UNC13C: variants seen among roughly 807,000 people sequenced by gnomAD.
UNC13C encodes the protein protein unc-13 homolog C.
A neutral mutation model predicts 245.4 loss-of-function variants in UNC13C; 174 were observed. The observed-to-expected ratio is 0.71, with a 90% CI of 0.63 to 0.80. The LOEUF is 0.80. Ranked by LOEUF, UNC13C falls within the 30% of genes least tolerant of loss-of-function variation. UNC13C has a pLI of 0.00. For synonymous variants in UNC13C, 992 were observed against 895.1 expected (o/e 1.11, Z -1.93); for missense variants, 2,829 against 2,602.9 (o/e 1.09, Z -1.89).
intron 17 of UNC13C, among the ~76,000 whole-genome samples, chr15:54,340,592 C>T (rs1281288040): frequency 6.6e-6 from 1 of 152,142 alleles, no homozygotes; most frequent in Non-Finnish European, 1.5e-5. Context: ...GATCAGTTGG[C>T]TGTAAGTATG....
intron 14 of UNC13C, among the ~76,000 whole-genome samples, chr15:54,329,086 T>G (rs34305854): frequency 0.17 from 24,256 of 146,178 alleles, 1,938 homozygotes; most frequent in Middle Eastern, 0.27. Context: ...ACCAAGTTTT[T>G]TTTTTTTTTT....
chr15:54,437,689 G>A (rs1013319572), intron 19 of UNC13C, among the ~76,000 whole-genome samples: 7 of 151,856 alleles, frequency 4.6e-5, no homozygotes, highest in Non-Finnish European at 8.8e-5. Flanking sequence ...TTGCAAACAG[G>A]AACACTGTTG....
intron 18 of UNC13C, among the ~76,000 whole-genome samples, chr15:54,413,260 GTTCT>G (rs1210209330): frequency 6.6e-6 from 1 of 151,604 alleles, no homozygotes; most frequent in Non-Finnish European, 1.5e-5. Context: ...TAGTTCTTTA[GTTCT>G]TTGTTTCTTG....
chr15:54,452,066 C>T (rs1891211183), intron 19 of UNC13C, among the ~76,000 whole-genome samples: 1 of 152,186 alleles, frequency 6.6e-6, no homozygotes, highest in Non-Finnish European at 1.5e-5. Context: ...TCCTCAGTGA[C>T]TTAGGGTGTG....
chr15:54,252,709 C>A, intron 8 of UNC13C, among the ~76,000 whole-genome samples: 1 of 152,016 alleles, frequency 6.6e-6, no homozygotes, highest in Non-Finnish European at 1.5e-5. Context: ...AATGCCAACA[C>A]TGAAGAAAAG....
chr15:54,304,363 G>C (rs2037667692), intron 13 of UNC13C, among the ~76,000 whole-genome samples: 1 of 151,894 alleles, frequency 6.6e-6, no homozygotes, highest in Non-Finnish European at 1.5e-5. Flanking sequence ...ACAATAATGT[G>C]GTAGATTATG....
At chr15:54,515,670 T>C (rs1894940208) in intron 24 of UNC13C, among the ~76,000 whole-genome samples, 1 of 152,200 alleles carries the variant, frequency 6.6e-6, no homozygotes, top group African/African-American at 2.4e-5. Context: ...TGCAATCGTT[T>C]TAAATGGTAG....
intron 22 of UNC13C, among the ~76,000 whole-genome samples, chr15:54,503,205 G>A (rs1894306685): frequency 6.6e-6 from 1 of 152,106 alleles, no homozygotes; most frequent in Non-Finnish European, 1.5e-5. Context: ...GCAGGATATA[G>A]TGTAAGAACA....
chr15:54,082,379 T>C (rs910162459), intron 2 of UNC13C, among the ~76,000 whole-genome samples: 1 of 152,016 alleles, frequency 6.6e-6, no homozygotes, highest in African/African-American at 2.4e-5. Context: ...TTGCCTACTT[T>C]TTCTTCTTCT....
intron 30 of UNC13C, among the ~76,000 whole-genome samples, chr15:54,618,922 C>CA (rs1265583459): frequency 6.6e-6 from 1 of 151,818 alleles, no homozygotes; most frequent in Non-Finnish European, 1.5e-5. Context: ...AAAAACAAAA[C>CA]AAAAAACCTC....
At chr15:54,125,634 G>A (rs1440533452) in intron 2 of UNC13C, among the ~76,000 whole-genome samples, 2 of 152,106 alleles carry the variant, frequency 1.3e-5, no homozygotes, top group African/African-American at 4.8e-5. Context: ...GTAATAGGGA[G>A]TGTAATAGGG....
At chr15:54,347,496 C>G (rs2038884755) in intron 17 of UNC13C, among the ~76,000 whole-genome samples, 1 of 152,150 alleles carries the variant, frequency 6.6e-6, no homozygotes, top group South Asian at 2.1e-4. Flanking sequence ...CACATGTACA[C>G]TTTTAGTTCT....
At position 54,522,129 on chromosome 15, in the gene UNC13C, AAGT is replaced by A. The variant is rs1895244749; in HGVS notation, c.5458-3418_5458-3416del. 3.3e-5 allele frequency among the ~76,000 whole-genome samples: 5 copies of A among 151,852 alleles called. No homozygotes were observed. The South Asian group carries it at 1.0e-3, about 32-fold the overall frequency. On this transcript the variant is annotated intron_variant, in intron 24 of 32. Coordinates refer to ENST00000260323, the MANE Select transcript of UNC13C (RefSeq NM_001080534.3). Reference sequence around the variant, plus strand: ...GAATTATCTTTTAAAGAAAAAGGAAAAGTAAGCCTTAAGGAAAATAACTTAAGA... The same window carrying A: ...GAATTATCTTTTAAAGAAAAAGGAAAAAGCCTTAAGGAAAATAACTTAAGA...
intron 2 of UNC13C, among the ~76,000 whole-genome samples, chr15:54,090,991 G>A (rs1405954295): frequency 6.7e-6 from 1 of 149,550 alleles, no homozygotes; most frequent in African/African-American, 2.5e-5. Context: ...TGCACACTTA[G>A]CCTCAATTCT....
intron 29 of UNC13C, among the ~76,000 whole-genome samples, chr15:54,560,833 A>G (rs758754413): frequency 6.6e-6 from 1 of 152,030 alleles, no homozygotes; most frequent in Non-Finnish European, 1.5e-5. Flanking sequence ...ACTACTTAAA[A>G]GATTATTGAA....
chr15:54,578,609 A>G (rs1284978902), intron 30 of UNC13C, among the ~76,000 whole-genome samples: 1 of 152,242 alleles, frequency 6.6e-6, no homozygotes, highest in Non-Finnish European at 1.5e-5. Context: ...AAGTTTACCT[A>G]TAAATAACCA....
At chr15:54,536,607 G>A (rs1320405747) in intron 26 of UNC13C, among the ~76,000 whole-genome samples, 3 of 151,890 alleles carry the variant, frequency 2.0e-5, no homozygotes, top group South Asian at 2.1e-4. Flanking sequence ...ATCAAACCAA[G>A]CAGCATATCA....
intron 2 of UNC13C, among the ~76,000 whole-genome samples, chr15:54,114,003 T>C (rs1245652359): frequency 6.6e-6 from 1 of 152,198 alleles, no homozygotes. Flanking sequence ...GCTTACTTTG[T>C]GCATTTACTC....
chr15:54,022,201 A>G (rs1260175769), intron 2 of UNC13C, among the ~76,000 whole-genome samples: 1 of 152,232 alleles, frequency 6.6e-6, no homozygotes, highest in Non-Finnish European at 1.5e-5. Context: ...GTTCCTACCA[A>G]CAATGTACAA....
Sources: gnomAD v4.1 joint callset for allele counts (sites outside exome capture counted in the v4.1 genomes callset) on GRCh38, gnomAD v4.1.1 for gene constraint, MANE v1.5 for transcripts, NCBI Gene and HGNC (gene_info 2026-07-23, HGNC 2026-07-21) for gene names.